Variants in MGAT4D observed in about 807,000 individuals in gnomAD.
MGAT4D encodes the protein alpha-1,3-mannosyl-glycoprotein 4-beta-N-acetylglucosaminyltransferase-like protein MGAT4D.
In MGAT4D, 34 loss-of-function variants were observed where a neutral mutation model predicts 15.9. The ratio of observed to expected loss-of-function variants is 2.14; its 90% CI spans 1.62 to 2.84. MGAT4D has a LOEUF of 2.84. Ranked by LOEUF, MGAT4D falls within the 30% of genes most tolerant of loss-of-function variation. The pLI, the probability that MGAT4D is intolerant of heterozygous loss-of-function variation, is 0.00. For missense variants in MGAT4D, 327 were observed against 140.2 expected (o/e 2.33, Z -6.73); for synonymous variants, 112 against 48.2 (o/e 2.33, Z -5.49).
chr4:140,465,408 T>G (rs781341431), intron 5 of MGAT4D, among the ~76,000 whole-genome samples: 2 of 152,208 alleles, frequency 1.3e-5, no homozygotes, highest in Non-Finnish European at 2.9e-5. Flanking sequence ...AATAGCAATG[T>G]GGCTCCTGAA....
intron 9 of MGAT4D, among the ~76,000 whole-genome samples, chr4:140,454,897 T>G (rs569652889): frequency 6.6e-6 from 1 of 152,074 alleles, no homozygotes; most frequent in South Asian, 2.1e-4. Context: ...TATTCCCTTA[T>G]GGAAAATCCT....
At chr4:140,449,742 A>G (rs1372072345) in intron 10 of MGAT4D, among the ~76,000 whole-genome samples, 1 of 146,424 alleles carries the variant, frequency 6.8e-6, no homozygotes, top group Non-Finnish European at 1.5e-5. Context: ...GCTGGGCAAC[A>G]GAGTGAGACT....
At chr4:140,478,199 A>C (rs1732466085) in intron 3 of MGAT4D, among the ~76,000 whole-genome samples, 2 of 152,160 alleles carry the variant, frequency 1.3e-5, no homozygotes, top group African/African-American at 4.8e-5. Context: ...TCTGGATTTA[A>C]CACAGCTCTG....
At chr4:140,453,478 GATAT>G (rs1730600627) in intron 9 of MGAT4D, among the ~76,000 whole-genome samples, 1 of 151,648 alleles carries the variant, frequency 6.6e-6, no homozygotes, top group African/African-American at 2.4e-5. Flanking sequence ...TACACATATA[GATAT>G]ATAAATATTT....
intron 1 of MGAT4D, among the ~76,000 whole-genome samples, 179 bp from the exon 2 acceptor site, chr4:140,482,664 G>A (rs930687176): frequency 2.6e-5 from 4 of 151,672 alleles, no homozygotes; most frequent in Admixed American, 6.6e-5. Context: ...GTGTAAATAC[G>A]TGCATAGGTA....
At chr4:140,447,363 G>A (rs561720662) in intron 10 of MGAT4D, among the ~76,000 whole-genome samples, 3 of 152,052 alleles carry the variant, frequency 2.0e-5, no homozygotes, top group East Asian at 1.9e-4. Flanking sequence ...GTCTCTGAGA[G>A]CTTGCTTTAT....
Position 140,469,933 on chromosome 4 carries a change from C to A in MGAT4D, c.572+1842G>T, listed in dbSNP as rs142362868. On this transcript the variant is annotated intron_variant, in intron 5 of 10. Transcript: ENST00000511113. The stretch of plus-strand genomic sequence containing the variant: ...CTGCTCTGCAGTGCATCCTGTCCTG[C>A]GGGACGCCCTTGCTAGCGGGGTACC... Among the ~76,000 whole-genome samples, 969 of 152,370 alleles carry A rather than the reference C, an allele frequency of 6.4e-3. 1 individual carries two copies. Among genetic ancestry groups the A allele is most frequent in the Non-Finnish European group, 9.5e-3 (649 of 68,038 alleles).
chr4:140,493,068 T>C (rs193049522), intron 1 of MGAT4D, among the ~76,000 whole-genome samples: 4 of 152,300 alleles, frequency 2.6e-5, no homozygotes, highest in Admixed American at 2.6e-4. Context: ...ATTCCCACTA[T>C]ACAAATTCTT....
rs1420084700 is a variant in MGAT4D, at chr4:140,474,956, T to C, written c.392-10A>G. ...CCCAGCGCAAAAGAAACTGTGGACATAGGAGTATGAAATCATCATTCCATA... is the reference window on the plus strand; with the variant it reads ...CCCAGCGCAAAAGAAACTGTGGACACAGGAGTATGAAATCATCATTCCATA... On this transcript the variant is annotated splice_polypyrimidine_tract_variant and intron_variant, in intron 3 of 10. Transcript: ENST00000511113. The C allele has an allele frequency of 3.0e-6, 2 of 663,156 alleles. No individual in the cohort carries two copies. The highest frequency in any genetic ancestry group is 2.4e-4 in the Middle Eastern group (1 of 4,188). 41.1% of individuals were successfully genotyped at this position (663,156 alleles called of 1,614,324 possible). A position where few individuals can be genotyped will look rare whatever the true frequency, so the allele number is the denominator to read the frequency against.
intron 10 of MGAT4D, among the ~76,000 whole-genome samples, chr4:140,447,026 C>G (rs1054862888): frequency 7.9e-5 from 12 of 151,708 alleles, no homozygotes; most frequent in African/African-American, 2.7e-4. Flanking sequence ...GAGCAATTTT[C>G]TTAGTCTTCA....
At chr4:140,456,533 G>A (rs910380217) in intron 9 of MGAT4D, 56 bp downstream of exon 9, 19 of 509,176 alleles carry the variant, frequency 3.7e-5, no homozygotes, top group South Asian at 1.5e-4. Context: ...AGGTAATTAC[G>A]TTGGATAGAT....
At chr4:140,496,241 C>A (rs1367119703) in intron 1 of MGAT4D, among the ~76,000 whole-genome samples, 1 of 152,142 alleles carries the variant, frequency 6.6e-6, no homozygotes, top group African/African-American at 2.4e-5. Context: ...GATGTGAGAA[C>A]AGCTCATTAT....
At chr4:140,482,037 A>G (rs562177381) in intron 2 of MGAT4D, among the ~76,000 whole-genome samples, 1 of 152,196 alleles carries the variant, frequency 6.6e-6, no homozygotes, top group Non-Finnish European at 1.5e-5. Context: ...GAAGTATGCA[A>G]GAGGTAGAGC....
At position 140,475,507 on chromosome 4, in the gene MGAT4D, G is replaced by A. The variant is rs181685042; in HGVS notation, c.392-561C>T. On this transcript the variant is annotated intron_variant, in intron 3 of 10. Transcript: ENST00000511113. ...GCAGCTAAGATTGAGGCTACCAATC[G>A]TAACTATACTGGTACCTGGCCATAT... Among the ~76,000 whole-genome samples, 274 of 152,008 alleles carry A rather than the reference G, an allele frequency of 1.8e-3. 2 individuals carry two copies. Among genetic ancestry groups the A allele is most frequent in the African/African-American group, 3.1e-3 (128 of 41,442 alleles).
chr4:140,456,563 T>A (rs1448860262), intron 9 of MGAT4D, 26 bp downstream of exon 9: 1 of 597,422 alleles, frequency 1.7e-6, no homozygotes, highest in Non-Finnish European at 3.0e-6. Context: ...CCTAAAATAT[T>A]TGGTATTCAT....
At chr4:140,494,336 T>C (rs1367064919) in intron 1 of MGAT4D, among the ~76,000 whole-genome samples, 1 of 152,232 alleles carries the variant, frequency 6.6e-6, no homozygotes, top group East Asian at 1.9e-4. Flanking sequence ...TACTAGAGAA[T>C]GTTCTCGCAG....
rs1426233731 is a variant in MGAT4D, at chr4:140,454,007, G to T, written c.1009-2490C>A. The stretch of plus-strand genomic sequence containing the variant: ...GCTCAAACCCATTTATCAGTTCTAG[G>T]ATGTATGTGTGTGTGTGTGTGTGTG... On this transcript the variant is annotated intron_variant, in intron 9 of 10. Coordinates refer to ENST00000511113, the MANE Select transcript of MGAT4D (RefSeq NM_001277353.2). Among the ~76,000 whole-genome samples, 3 of 140,670 alleles carry T rather than the reference G, an allele frequency of 2.1e-5. No individual in the cohort carries two copies. In the Admixed American group the frequency reaches 2.2e-4, roughly 10 times the overall value. 92.3% of individuals were successfully genotyped at this position (140,670 alleles called of 152,430 possible). A position where few individuals can be genotyped will look rare whatever the true frequency, so the allele number is the denominator to read the frequency against.
chr4:140,450,147 AATATAATCAC>A (rs1730381028), intron 10 of MGAT4D: 1 of 342,930 alleles, frequency 2.9e-6, no homozygotes, highest in Non-Finnish European at 5.3e-6. Flanking sequence ...AAATAATTTA[AATATAATCAC>A]ATTTGACATA....
At chr4:140,473,967 G>T (rs1335700586) in intron 4 of MGAT4D, among the ~76,000 whole-genome samples, 1 of 151,964 alleles carries the variant, frequency 6.6e-6, no homozygotes, top group Non-Finnish European at 1.5e-5. Flanking sequence ...ACCATAAAGT[G>T]CTGGAATTAC....
Sources: allele counts gnomAD v4.1 joint callset (sites outside exome capture counted in the v4.1 genomes callset), GRCh38; gene constraint gnomAD v4.1.1; transcripts MANE v1.5; gene names NCBI Gene and HGNC (gene_info 2026-07-23, HGNC 2026-07-21).